The following ZNF836 variants were observed in gnomAD, a reference collection of about 807,000 sequenced individuals.
ZNF836 encodes zinc finger protein 836.
In ZNF836, 12 loss-of-function variants were observed where a neutral mutation model predicts 7.4. That is an observed-to-expected ratio of 1.61 (90% CI 1.03 to 2.61). ZNF836 has a LOEUF of 2.61. Among genes scored for constraint, ZNF836 ranks in the 30% most tolerant of loss-of-function variants. The pLI is 0.00. For missense variants in ZNF836, 998 were observed against 1,126.2 expected (o/e 0.89, Z 1.63); for synonymous variants, 365 against 382.6 (o/e 0.95, Z 0.54).
At chr19:52,162,997 A>G (rs545521285) in intron 3 of ZNF836, among the ~76,000 whole-genome samples, 3 of 152,240 alleles carry the variant, frequency 2.0e-5, no homozygotes, top group African/African-American at 7.2e-5. Flanking sequence ...CTTCAGTCAT[A>G]GGTGGGGTAG....
intron 3 of ZNF836, among the ~76,000 whole-genome samples, chr19:52,167,472 CAAAAAAAAAAAAAAA>C (rs1165727472): frequency 4.5e-5 from 2 of 44,124 alleles, no homozygotes; most frequent in African/African-American, 1.9e-4. Context: ...AACTCCGTCT[CAAAAAAAAAAAAAAA>C]AAAAAAAAAA....
chr19:52,170,807 C>G (rs988456209), intron 1 of ZNF836, among the ~76,000 whole-genome samples: 1 of 152,128 alleles, frequency 6.6e-6, no homozygotes, highest in Non-Finnish European at 1.5e-5. Context: ...TCCCTCTCAC[C>G]CACACATTCA....
intron 1 of ZNF836, among the ~76,000 whole-genome samples, chr19:52,170,677 C>T (rs941359996): frequency 5.9e-5 from 9 of 152,124 alleles, no homozygotes; most frequent in African/African-American, 2.2e-4. Flanking sequence ...TTCACTCTTG[C>T]TGTCTCTTTG....
Position 52,155,790 on chromosome 19 carries a change from A to G in ZNF836, c.1893T>C (p.Ile631=). Residue 631 remains isoleucine, a synonymous_variant, in exon 5 of 5, where the codon ATT becomes ATC. Coordinates refer to ENST00000682614, the MANE Select transcript of ZNF836 (RefSeq NM_001102657.3). ...ATTGAAACGGCTTCTCTCCAGTATG[A>G]ATTCTCTTATGATTTGAAAGGTTTC... ...DSGNLSNHKR[I]HTGEKPFQCN... The G allele has an allele frequency of 6.2e-7, 1 of 1,613,782 alleles. No homozygotes were observed. The highest frequency in any genetic ancestry group is 8.5e-7 in the Non-Finnish European group (1 of 1,179,858).
chr19:52,166,192 A>G (rs2089262239), intron 3 of ZNF836, among the ~76,000 whole-genome samples: 1 of 151,962 alleles, frequency 6.6e-6, no homozygotes, highest in South Asian at 2.1e-4. Context: ...GGGTTTCACT[A>G]TGTTGGCCAG....
At chr19:52,170,072 G>A (rs1302852475) in intron 1 of ZNF836, among the ~76,000 whole-genome samples, 1 of 152,006 alleles carries the variant, frequency 6.6e-6, no homozygotes, top group Non-Finnish European at 1.5e-5. Flanking sequence ...TCACAAATTA[G>A]AATATTACAA....
chr19:52,160,883 T>C (rs2089207543), intron 3 of ZNF836, among the ~76,000 whole-genome samples: 1 of 152,218 alleles, frequency 6.6e-6, no homozygotes, highest in Admixed American at 6.5e-5. Context: ...ATGTTCAATA[T>C]ATCAACTGAG....
Position 52,156,698 on chromosome 19 carries a change from G to A in ZNF836, c.985C>T (p.Pro329Ser), listed in dbSNP as rs1361219160. Residue 329 changes from proline to serine, a missense_variant, in exon 5 of 5, where the codon CCT becomes TCT. Physicochemically the swap from Pro to Ser is moderately conservative, Grantham distance 74. Transcript: ENST00000682614. ...IHQRIHTGEK[P>S]YKCNECGKTF... is the part of the protein sequence containing the mutation. ...TTCCCACACTCATTACATTTGTAAGGTTTCTCTCCAGTGTGAATTCTCTGA... is the reference window on the plus strand; with the variant it reads ...TTCCCACACTCATTACATTTGTAAGATTTCTCTCCAGTGTGAATTCTCTGA... The A allele has an allele frequency of 1.9e-6, 3 of 1,614,022 alleles. No individual in the cohort carries two copies. Among genetic ancestry groups the A allele is most frequent in the African/African-American group, 1.3e-5 (1 of 75,040 alleles).
chr19:52,160,918 T>C (rs2089207816), intron 3 of ZNF836, among the ~76,000 whole-genome samples: 1 of 152,182 alleles, frequency 6.6e-6, no homozygotes, highest in South Asian at 2.1e-4. Context: ...AGTATACAAG[T>C]GGTGTCTTGG....
At chr19:52,159,235 T>C (rs1327477810) in intron 4 of ZNF836, among the ~76,000 whole-genome samples, 1 of 152,182 alleles carries the variant, frequency 6.6e-6, no homozygotes, top group Non-Finnish European at 1.5e-5. Flanking sequence ...ATATACCTTA[T>C]TAAACAAAGA....
Position 52,157,042 on chromosome 19 carries a change from C to G in ZNF836, c.641G>C (p.Arg214Thr). The change falls in exon 5 of 5, where the codon AGG becomes ACG. Residue 214 changes from arginine (R) to threonine (T), a missense_variant. By Grantham distance (71) the Arg-to-Thr change is moderately conservative. Coordinates refer to ENST00000682614, the MANE Select transcript of ZNF836 (RefSeq NM_001102657.3). ...CCCTTTACACATATAAGGTTTTTCC[C>G]TAATGTGTGTTTTCTCAAGTTGGGT... ...LPTQLEKTHI[R>T]EKPYMCKGCG... is the part of the protein sequence containing the mutation. 6.2e-7 allele frequency: 1 copy of G among 1,614,016 alleles called. No individual in the cohort carries two copies. The highest frequency in any genetic ancestry group is 8.5e-7 in the Non-Finnish European group (1 of 1,179,926).
intron 4 of ZNF836, among the ~76,000 whole-genome samples, chr19:52,159,491 A>G (rs2089194776): frequency 6.6e-6 from 1 of 152,214 alleles, no homozygotes; most frequent in Non-Finnish European, 1.5e-5. Context: ...GTCACTCCAA[A>G]TACCAAGAGT....
Position 52,154,353 on chromosome 19 carries a change from C to T in ZNF836, c.*519G>A, listed in dbSNP as rs939807631. On this transcript the variant is annotated 3_prime_UTR_variant, in exon 5 of 5. Coordinates refer to ENST00000682614, the MANE Select transcript of ZNF836 (RefSeq NM_001102657.3). The stretch of plus-strand genomic sequence containing the variant: ...GCATGACCCACCATGCCTAACGTGC[C>T]ATACACTTTTAACCAACAAGATCTC... 1.3e-5 allele frequency among the ~76,000 whole-genome samples: 2 copies of T among 152,016 alleles called. No homozygotes were observed. Among genetic ancestry groups the T allele is most frequent in the Non-Finnish European group, 1.5e-5 (1 of 67,994 alleles).
At chr19:52,163,967 C>G (rs569082946) in intron 3 of ZNF836, among the ~76,000 whole-genome samples, 4 of 144,946 alleles carry the variant, frequency 2.8e-5, no homozygotes, top group Non-Finnish European at 6.0e-5. Flanking sequence ...TTAGATGGAT[C>G]GTTCTACTGA....
Position 52,156,257 on chromosome 19 carries a change from C to G in ZNF836, c.1426G>C (p.Gly476Arg). The G allele has an allele frequency of 6.2e-7, 1 of 1,614,176 alleles. No homozygotes were observed. ...TGTGAAGTCTGACTGAAGACCTTGCCACATTCATTGCATTTGTAAGGTTTC... is the reference window on the plus strand; with the variant it reads ...TGTGAAGTCTGACTGAAGACCTTGCGACATTCATTGCATTTGTAAGGTTTC... ...GEKPYKCNEC[G>R]KVFSQTSHLV... The change falls in exon 5 of 5, where the codon GGC (glycine) becomes CGC (arginine). Residue 476 changes from glycine to arginine, a missense_variant. Transcript: ENST00000682614.
chr19:52,167,408 G>A (rs764229841), intron 3 of ZNF836, among the ~76,000 whole-genome samples: 1 of 132,920 alleles, frequency 7.5e-6, no homozygotes, highest in Non-Finnish European at 1.6e-5. Context: ...GGAGGTGGAG[G>A]TTGCAGTGAG....
rs981343139 is a variant in ZNF836, at chr19:52,155,821, T to C, written c.1862A>G (p.Asp621Gly). ...CTTATGATTTGAAAGGTTTCCACTG[T>C]CATTGAAGACCTTGCCACACACATT... is the stretch of plus-strand genomic sequence containing the variant. Reference protein sequence around the residue: ...KCNVCGKVFNDSGNLSNHKRI... With the variant: ...KCNVCGKVFNGSGNLSNHKRI... The change falls in exon 5 of 5, where the codon GAC becomes GGC. Residue 621 changes from aspartate to glycine, a missense_variant. Coordinates refer to ENST00000682614, the MANE Select transcript of ZNF836 (RefSeq NM_001102657.3). 1 of 1,614,058 alleles carries C rather than the reference T, an allele frequency of 6.2e-7. No individual in the cohort carries two copies. Among genetic ancestry groups the C allele is most frequent in the South Asian group, 1.1e-5 (1 of 91,080 alleles).
Position 52,154,828 on chromosome 19 carries a change from C to T in ZNF836, c.*44G>A. The T allele has an allele frequency of 7.0e-7, 1 of 1,434,742 alleles. No homozygotes were observed. Among genetic ancestry groups the T allele is most frequent in the Non-Finnish European group, 9.2e-7 (1 of 1,084,730 alleles). 88.9% of individuals were successfully genotyped at this position (1,434,742 alleles called of 1,614,324 possible). On this transcript the variant is annotated 3_prime_UTR_variant, in exon 5 of 5. Coordinates refer to ENST00000682614, the MANE Select transcript of ZNF836 (RefSeq NM_001102657.3). ...GGGATTAAAATTCCACATGAGATTTCAGACGGAAGTGACAAATATACAAGC... is the reference window on the plus strand; with the variant it reads ...GGGATTAAAATTCCACATGAGATTTTAGACGGAAGTGACAAATATACAAGC...
At position 52,161,677 on chromosome 19, in the gene ZNF836, A is replaced by G. The variant is rs2089214145; in HGVS notation, c.16-1086T>C. On this transcript the variant is annotated intron_variant, in intron 3 of 4. Transcript: ENST00000682614. This position sits in a 1 kb window ranked among gnomAD's most constrained non-coding sequence, Gnocchi z 4.1. ...GAAAAAAAAAAAAAACTCAGACTGT[A>G]ACATTCCACCCCTGGCCCCCAAAAT... is the stretch of plus-strand genomic sequence containing the variant. Among the ~76,000 whole-genome samples, 1 of 152,200 alleles carries G rather than the reference A, an allele frequency of 6.6e-6. No homozygotes were observed. The highest frequency in any genetic ancestry group is 1.9e-4 in the East Asian group (1 of 5,176).
Sources: gnomAD v4.1 joint callset for allele counts (sites outside exome capture counted in the v4.1 genomes callset) on GRCh38, gnomAD v4.1.1 for gene constraint, Gnocchi (gnomAD v3.1) non-coding constraint, MANE v1.5 for transcripts, NCBI Gene and HGNC (gene_info 2026-07-23, HGNC 2026-07-21) for gene names.